TTYH3: variants seen among roughly 807,000 people sequenced by gnomAD.
The protein encoded by TTYH3 is protein tweety homolog 3.
TTYH3 carries 23 observed loss-of-function variants against 68.2 expected under a neutral mutation model. The ratio of observed to expected loss-of-function variants is 0.34; its 90% confidence interval spans 0.24 to 0.48. The LOEUF (loss-of-function observed/expected upper bound fraction) is 0.48. Ranked by LOEUF, TTYH3 falls within the 20% of genes least tolerant of loss-of-function variation. The probability of loss-of-function intolerance (pLI) is 0.99; values close to 1 mark genes in which losing one functional copy is unlikely to be tolerated. For synonymous variants in TTYH3, 360 were observed against 332.8 expected, an observed-to-expected ratio of 1.08 and a Z score of -0.89; for missense variants, 768 against 727.7, an observed-to-expected ratio of 1.06 and a Z score of -0.64.
At chr7:2,661,568 G>C in intron 13 of TTYH3, 100 bp from the exon 14 acceptor site, 1 of 1,178,704 alleles carries the variant, frequency 8.5e-7, no homozygotes, top group East Asian at 2.5e-5. Flanking sequence ...TCTGCCCCCA[G>C]GGCTGTTGGC....
rs541037779 is a variant in TTYH3, at chr7:2,651,359, C to T, written c.872-828C>T. On this transcript the variant is annotated intron_variant, in intron 7 of 13. Transcript: ENST00000258796. ...CTTCCACCAAAGCCTGAAGAGCCTC[C>T]TGGAGGAAAAGTCATCTGCCGCCCA... is the stretch of plus-strand genomic sequence containing the variant. Among the ~76,000 whole-genome samples, 3 of 152,256 alleles carry T rather than the reference C, an allele frequency of 2.0e-5. No individual in the cohort carries two copies. In the South Asian group the frequency reaches 6.2e-4, roughly 32 times the overall value.
At chr7:2,659,110 A>G (rs1274693195) in intron 13 of TTYH3, 95 bp downstream of exon 13, 6 of 1,066,010 alleles carry the variant, frequency 5.6e-6, no homozygotes, top group Non-Finnish European at 8.1e-6. Context: ...ATGTGCAGCC[A>G]GTGTGAGCTC....
Position 2,662,411 on chromosome 7 carries a change from G to A in TTYH3, c.*672G>A. The A allele has an allele frequency of 6.5e-6, 1 of 154,376 alleles. No individual in the cohort carries two copies. The highest frequency in any genetic ancestry group is 1.4e-5 in the Non-Finnish European group (1 of 69,302). The allele number at this position is 154,376 out of a possible 1,614,324, so 9.6% of individuals were successfully genotyped here. On this transcript the variant is annotated 3_prime_UTR_variant, in exon 14 of 14. Transcript: ENST00000258796. The stretch of plus-strand genomic sequence containing the variant: ...CCTGCTGGAGGCCCCAGCCCTCCGT[G>A]GACAGCAGGGGCCACGTGGAGCCCG...
chr7:2,638,572 C>T (rs1785743023), intron 1 of TTYH3, among the ~76,000 whole-genome samples: 1 of 152,122 alleles, frequency 6.6e-6, no homozygotes, highest in African/African-American at 2.4e-5. Context: ...CGACCTGGAC[C>T]TCGGACCTCA....
At chr7:2,635,925 G>T (rs916230670) in intron 1 of TTYH3, among the ~76,000 whole-genome samples, 1 of 152,218 alleles carries the variant, frequency 6.6e-6, no homozygotes, top group African/African-American at 2.4e-5. Flanking sequence ...GCAGAGAGAA[G>T]CTTGAGCCTC....
At chr7:2,655,062 G>A (rs950578824) in intron 9 of TTYH3, among the ~76,000 whole-genome samples, 16 of 152,214 alleles carry the variant, frequency 1.1e-4, no homozygotes, top group Non-Finnish European at 2.1e-4. Context: ...CTGAGGTCCT[G>A]GGGGTTCAGA....
chr7:2,642,456 C>T (rs1196888720), intron 1 of TTYH3, among the ~76,000 whole-genome samples: 3 of 146,174 alleles, frequency 2.1e-5, no homozygotes, highest in Non-Finnish European at 4.5e-5. Flanking sequence ...GTAGGAGAAT[C>T]ACTTGAACCT....
At chr7:2,646,808 A>C (rs778268111) in intron 1 of TTYH3, 45 bp from the exon 2 acceptor site, 2 of 1,558,902 alleles carry the variant, frequency 1.3e-6, no homozygotes, top group African/African-American at 2.7e-5. Flanking sequence ...TGGGACTCTG[A>C]GCTGGGGGTC....
chr7:2,635,200 G>C (rs932911559), intron 1 of TTYH3, among the ~76,000 whole-genome samples: 11 of 152,194 alleles, frequency 7.2e-5, no homozygotes, highest in African/African-American at 2.4e-4. Flanking sequence ...GCGTGGCCCG[G>C]GGCCAGTCAG....
At chr7:2,634,544 C>T (rs1004505373) in intron 1 of TTYH3, among the ~76,000 whole-genome samples, 4 of 151,162 alleles carry the variant, frequency 2.6e-5, no homozygotes, top group Non-Finnish European at 4.4e-5. Context: ...TGGGCATCTG[C>T]CCCGTGGTTA....
chr7:2,647,288 T>G (rs753800058), intron 3 of TTYH3, 35 bp downstream of exon 3: 3 of 1,543,140 alleles, frequency 1.9e-6, no homozygotes, highest in Non-Finnish European at 1.7e-6. Context: ...AGGAGCACTC[T>G]TGCTGCTCCG....
chr7:2,660,153 G>A (rs377464856), intron 13 of TTYH3: 14 of 1,185,518 alleles, frequency 1.2e-5, no homozygotes, highest in East Asian at 7.1e-5. Context: ...CCATCTGTCC[G>A]GCTCCTGTTG....
rs968806477 is a variant in TTYH3, at chr7:2,663,560, C to G, written c.*1821C>G. 2.0e-5 allele frequency: 3 copies of G among 152,612 alleles called. No individual in the cohort carries two copies. The highest frequency in any genetic ancestry group is 4.4e-5 in the Non-Finnish European group (3 of 68,166). 9.5% of individuals were successfully genotyped at this position (152,612 alleles called of 1,614,324 possible). On this transcript the variant is annotated 3_prime_UTR_variant, in exon 14 of 14. Transcript: ENST00000258796. The stretch of plus-strand genomic sequence containing the variant: ...CGCCTGGCTGACATTCTGAGCCCCC[C>G]TCGGAGGCCCCGCCACAGCCAACCT...
chr7:2,657,957 TTCAAGAGGCAC>T (rs1786383174), intron 11 of TTYH3, among the ~76,000 whole-genome samples: 6 of 152,270 alleles, frequency 3.9e-5, no homozygotes, highest in Non-Finnish European at 7.4e-5. Context: ...CTCCTGTGCC[TTCAAGAGGCAC>T]CCTGGCCTCC....
chr7:2,651,164 C>G (rs1013001965), intron 7 of TTYH3, among the ~76,000 whole-genome samples: 2 of 152,060 alleles, frequency 1.3e-5, no homozygotes, highest in Admixed American at 6.5e-5. Context: ...TTCTCAGGCC[C>G]CCCTTGTGGA....
chr7:2,657,371 GTGGTGA>G (rs1786365129), intron 11 of TTYH3, among the ~76,000 whole-genome samples: 1 of 150,724 alleles, frequency 6.6e-6, no homozygotes, highest in Non-Finnish European at 1.5e-5. Context: ...GGTGATGGTG[GTGGTGA>G]TGGTGATGAT....
In TTYH3 at chr7:2,634,712, C is replaced by G. The variant is rs147331423; in HGVS notation, c.123+2434C>G. On this transcript the variant is annotated intron_variant, in intron 1 of 13. Coordinates refer to ENST00000258796, the MANE Select transcript of TTYH3 (RefSeq NM_025250.3). ...GAGGGACCAGGGCCAGGTCCTGTTT[C>G]AAGGCCCTGCGTGGGACTGCCTGTC... Among the ~76,000 whole-genome samples, 34 of 152,274 alleles carry G rather than the reference C, an allele frequency of 2.2e-4. No homozygotes were observed. The East Asian group carries it at 6.6e-3, about 29-fold the overall frequency.
At chr7:2,647,739 C>A in intron 4 of TTYH3, 101 bp downstream of exon 4, 1 of 1,308,110 alleles carries the variant, frequency 7.6e-7, no homozygotes, top group Admixed American at 2.1e-5. Context: ...GCCTGATGGG[C>A]AGGGTGTGGC....
intron 1 of TTYH3, 58 bp downstream of exon 1, chr7:2,632,336 C>T: frequency 7.0e-7 from 1 of 1,432,246 alleles, no homozygotes; most frequent in Non-Finnish European, 9.3e-7. Context: ...GCCCCCTCCT[C>T]TCCCAGGGTC....
Sources: gnomAD v4.1 joint callset for allele counts (sites outside exome capture counted in the v4.1 genomes callset) on GRCh38, gnomAD v4.1.1 for gene constraint, MANE v1.5 for transcripts, NCBI Gene and HGNC (gene_info 2026-07-23, HGNC 2026-07-21) for gene names.